PUDP: variants seen among roughly 807,000 people sequenced by gnomAD.
PUDP encodes pseudouridine 5'-phosphatase.
In PUDP, 8 loss-of-function variants were observed where a neutral mutation model predicts 9.4. The ratio of observed to expected loss-of-function variants is 0.85; its 90% CI spans 0.50 to 1.53. The LOEUF (loss-of-function observed/expected upper bound fraction) is 1.53. PUDP is among the 40% of genes most tolerant of loss of function. PUDP has a pLI of 0.00. For missense variants in PUDP, 188 were observed against 189.7 expected, an observed-to-expected ratio of 0.99 and a Z score of 0.05; for synonymous variants, 99 against 80.7, an observed-to-expected ratio of 1.23 and a Z score of -1.22.
intron 3 of PUDP, among the ~76,000 whole-genome samples, chrX:6,803,065 A>AATAAAAT (rs2146696202): frequency 1.4e-5 from 1 of 71,451 alleles, no homozygotes. Context: ...TAAAATATAA[A>AATAAAAT]ATAAAATAAA....
chrX:7,069,142 A>C (rs1041950664), intron 3 of PUDP, among the ~76,000 whole-genome samples: 2 of 111,853 alleles, frequency 1.8e-5, no homozygotes, highest in Non-Finnish European at 3.8e-5. Flanking sequence ...GCAGTGGATG[A>C]GGGCGGATGG....
chrX:6,962,569 C>A (rs1204769350), intron 3 of PUDP, among the ~76,000 whole-genome samples: 2 of 112,364 alleles, frequency 1.8e-5, no homozygotes, highest in African/African-American at 6.5e-5. Context: ...TAAGTAATTA[C>A]AGTCTCTTCA....
chrX:6,734,708 G>C (rs1181860716), intron 3 of PUDP, among the ~76,000 whole-genome samples: 1 of 111,785 alleles, frequency 8.9e-6, no homozygotes, highest in East Asian at 2.8e-4. Context: ...GCTGCAGTGA[G>C]CCATGGTCAC....
At chrX:6,727,908 C>T (rs1924759156) in intron 3 of PUDP, among the ~76,000 whole-genome samples, 1 of 111,730 alleles carries the variant, frequency 9.0e-6, no homozygotes, top group Non-Finnish European at 1.9e-5. Context: ...ATGACTGAGC[C>T]AAGTCTCAAT....
chrX:6,725,022 A>T, upstream of PUDP, among the ~76,000 whole-genome samples: 1 of 111,626 alleles, frequency 9.0e-6, no homozygotes, highest in East Asian at 2.8e-4. Flanking sequence ...CCTAATTTTC[A>T]TCACATGCCC....
chrX:7,025,503 G>A (rs962508496), intron 1 of PUDP, among the ~76,000 whole-genome samples: 5 of 112,019 alleles, frequency 4.5e-5, no homozygotes, highest in Non-Finnish European at 9.4e-5. Context: ...TCATTGTGGG[G>A]ATGTAGTACA....
chrX:6,798,550 A>G (rs73190715), intron 3 of PUDP, among the ~76,000 whole-genome samples: 1 of 111,900 alleles, frequency 8.9e-6, no homozygotes, highest in Non-Finnish European at 1.9e-5. Context: ...AAGGGGGAAA[A>G]TGATGCCCCA....
At chrX:7,081,204 G>C (rs1931075300) in intron 2 of PUDP, among the ~76,000 whole-genome samples, 1 of 111,618 alleles carries the variant, frequency 9.0e-6, no homozygotes, top group African/African-American at 3.3e-5. Context: ...CTGTGACCCA[G>C]GCTGGAGCAG....
At chrX:6,857,096 A>T (rs1290443289) in intron 3 of PUDP, among the ~76,000 whole-genome samples, 1 of 112,760 alleles carries the variant, frequency 8.9e-6, no homozygotes, top group Non-Finnish European at 1.9e-5. Flanking sequence ...AGAGGTTAAA[A>T]TCTGAGGAAA....
chrX:7,106,435 G>A (rs185401525), intron 1 of PUDP, among the ~76,000 whole-genome samples: 48 of 112,474 alleles, frequency 4.3e-4, no homozygotes, highest in African/African-American at 1.4e-3. Flanking sequence ...AACATAGTGA[G>A]CCTGCAGGTG....
At chrX:7,122,120 C>T (rs922661940) in intron 1 of PUDP, among the ~76,000 whole-genome samples, 8 of 110,404 alleles carry the variant, frequency 7.2e-5, no homozygotes, top group African/African-American at 2.6e-4. Context: ...CCCAGGAGTT[C>T]GAGGCTACAG....
At chrX:6,795,186 T>C (rs1925824109) in intron 3 of PUDP, among the ~76,000 whole-genome samples, 1 of 111,426 alleles carries the variant, frequency 9.0e-6, no homozygotes. Flanking sequence ...GCATCGTATA[T>C]GTGGTCTGTC....
At chrX:6,963,309 G>A (rs1928734512) in intron 3 of PUDP, among the ~76,000 whole-genome samples, 1 of 111,274 alleles carries the variant, frequency 9.0e-6, no homozygotes, top group Non-Finnish European at 1.9e-5. Flanking sequence ...AGAAAGGGAG[G>A]CTGGAAATGG....
At chrX:6,753,615 C>T (rs940615896) in intron 3 of PUDP, among the ~76,000 whole-genome samples, 1 of 112,104 alleles carries the variant, frequency 8.9e-6, no homozygotes, top group African/African-American at 3.2e-5. Context: ...TCCCTTTTCA[C>T]TGCATCCACG....
chrX:7,026,334 G>T (rs1396114232), intron 1 of PUDP, among the ~76,000 whole-genome samples: 1 of 111,630 alleles, frequency 9.0e-6, no homozygotes, highest in Non-Finnish European at 1.9e-5. Context: ...TCCCTTCCCT[G>T]CTGTCTCTTG....
chrX:7,072,371 T>C (rs780820823), intron 3 of PUDP, among the ~76,000 whole-genome samples: 1 of 112,446 alleles, frequency 8.9e-6, no homozygotes, highest in Admixed American at 9.4e-5. Context: ...TATCTGTTTA[T>C]GCAGTTTAAC....
At chrX:6,905,847 A>G (rs987002655) in intron 3 of PUDP, among the ~76,000 whole-genome samples, 4 of 112,124 alleles carry the variant, frequency 3.6e-5, no homozygotes, top group African/African-American at 9.7e-5. Context: ...AAATAAAAAC[A>G]TTGCAATGAT....
chrX:7,069,261 C>T (rs1037368566), intron 3 of PUDP, among the ~76,000 whole-genome samples: 6 of 111,004 alleles, frequency 5.4e-5, no homozygotes, highest in African/African-American at 1.6e-4. Context: ...CCCCCCGAGG[C>T]GAGGTGAGGA....
chrX:7,018,972 T>C lies in PUDP; in HGVS notation c.205-40629A>G, dbSNP rs148523667. Among the ~76,000 whole-genome samples, 825 of 112,583 alleles carry C rather than the reference T, an allele frequency of 7.3e-3. 8 individuals are homozygous for C. Among genetic ancestry groups the C allele is most frequent in the African/African-American group, 0.025 (789 of 31,002 alleles). On this transcript the variant is annotated intron_variant and NMD_transcript_variant, in intron 1 of 3. Transcript: ENST00000655425. Reference sequence around the variant, plus strand: ...TCCTAATTTTGCTTTAAGATAATAATGTTGATTCTTGAAAAATATAGTAAT... The same window carrying C: ...TCCTAATTTTGCTTTAAGATAATAACGTTGATTCTTGAAAAATATAGTAAT...
Sources: allele counts gnomAD v4.1 joint callset (sites outside exome capture counted in the v4.1 genomes callset), GRCh38; gene constraint gnomAD v4.1.1; transcripts MANE v1.5; gene names NCBI Gene and HGNC (gene_info 2026-07-23, HGNC 2026-07-21).